Variants in EVA1B observed in about 807,000 individuals in gnomAD.
The protein encoded by EVA1B is eva-1 homolog B.
EVA1B carries 2 observed loss-of-function variants against 4.6 expected under a neutral mutation model. The observed-to-expected ratio is 0.43, with a 90% confidence interval of 0.18 to 1.37. The LOEUF (loss-of-function observed/expected upper bound fraction) is 1.37. Ranked by LOEUF, EVA1B falls within the 40% of genes most tolerant of loss-of-function variation. The pLI is 0.28. For missense variants in EVA1B, 263 were observed against 240.4 expected (o/e 1.09, Z -0.62); for synonymous variants, 124 against 115.8 (o/e 1.07, Z -0.46).
Position 36,323,067 on chromosome 1 carries a change from C to A in EVA1B, c.-30G>T. ...CTCTGGGGGGCAGCTCCCCTACCAG[C>A]CTGCGAGGTCAGCAAAGTCAGATCC... On this transcript the variant is annotated splice_region_variant and 5_prime_UTR_variant, in exon 2 of 3. Transcript: ENST00000490466. 1 of 1,593,246 alleles carries A rather than the reference C, an allele frequency of 6.3e-7. No individual in the cohort carries two copies. The highest frequency in any genetic ancestry group is 8.5e-7 in the Non-Finnish European group (1 of 1,173,526).
At chr1:36,322,940 A>G (rs377069767) in intron 2 of EVA1B, 31 bp downstream of exon 2, 1 of 1,605,896 alleles carries the variant, frequency 6.2e-7, no homozygotes, top group Non-Finnish European at 8.5e-7. Flanking sequence ...GGAAGGGTTC[A>G]GGCCCCCAGT....
rs1372583716 is a variant in EVA1B, at chr1:36,322,311, C to T, written c.482G>A (p.Arg161His). 5.2e-6 allele frequency: 8 copies of T among 1,542,518 alleles called. No individual in the cohort carries two copies. Among genetic ancestry groups the T allele is most frequent in the African/African-American group, 1.4e-5 (1 of 73,190 alleles). ...PSPTATGTLG[R>H]MHYY is the part of the protein sequence containing the mutation. ...CGGGGCCCATCAGTAATAGTGCATG[C>T]GGCCCAGGGTGCCCGTGGCCGTGGG... is the stretch of plus-strand genomic sequence containing the variant. Residue 161 changes from arginine (R) to histidine (H), a missense_variant, in exon 3 of 3, where the codon CGC becomes CAC. Transcript: ENST00000490466.
rs1205771187 is a variant in EVA1B, at chr1:36,323,082, A to T, written c.-30-15T>A. 1 of 1,584,154 alleles carries T rather than the reference A, an allele frequency of 6.3e-7. No individual in the cohort carries two copies. Among genetic ancestry groups the T allele is most frequent in the South Asian group, 1.1e-5 (1 of 88,196 alleles). ...CCCCTACCAGCCTGCGAGGTCAGCA[A>T]AGTCAGATCCTTCTCCCAGCCTGGA... On this transcript the variant is annotated splice_polypyrimidine_tract_variant and intron_variant, in intron 1 of 2. Coordinates refer to ENST00000490466, the MANE Select transcript of EVA1B (RefSeq NM_001304762.2).
chr1:36,323,025 G>GC lies in EVA1B; in HGVS notation c.12dup (p.Arg5AlafsTer239). 3 of 1,599,940 alleles carry GC rather than the reference G, an allele frequency of 1.9e-6. No homozygotes were observed. The highest frequency in any genetic ancestry group is 1.7e-6 in the Non-Finnish European group (2 of 1,176,132). The stretch of plus-strand genomic sequence containing the variant: ...TTGCTGAGCAACTCCATGTCCCTTC[G>GC]CGGGGCATCCATGCTGCTCTGGGGG... On this transcript the variant is annotated frameshift_variant, in exon 2 of 3. Coordinates refer to ENST00000490466, the MANE Select transcript of EVA1B (RefSeq NM_001304762.2). LOFTEE classifies it high-confidence loss of function.
rs1169384015 is a variant in EVA1B, at chr1:36,322,535, C to T, written c.258G>A (p.Val86=). 2 of 1,600,522 alleles carry T rather than the reference C, an allele frequency of 1.2e-6. No homozygotes were observed. Among genetic ancestry groups the T allele is most frequent in the Non-Finnish European group, 8.5e-7 (1 of 1,177,982 alleles). Residue 86 remains valine (V), a synonymous_variant, in exon 3 of 3, where the codon GTG becomes GTA. Coordinates refer to ENST00000490466, the MANE Select transcript of EVA1B (RefSeq NM_001304762.2). ...EDDDEDEEDT[V]TRLGPDDTLP... is the part of the protein sequence containing the mutation. ...GCGTGTCGTCGGGGCCCAGCCGAGT[C>T]ACCGTGTCCTCCTCGTCCTCGTCGT...
chr1:36,323,903 A>G (rs999369353), upstream of EVA1B: 19 of 152,282 alleles, frequency 1.2e-4, no homozygotes, highest in African/African-American at 4.6e-4. Flanking sequence ...TCCGCCTGAC[A>G]ACCCTGCGAC....
intron 2 of EVA1B, 78 bp downstream of exon 2, chr1:36,322,893 G>A (rs1646492096): frequency 1.9e-6 from 3 of 1,567,742 alleles, no homozygotes; most frequent in South Asian, 1.1e-5. Flanking sequence ...CGGAGGGGAC[G>A]GACAAGGCGC....
rs1646488481 is a variant in EVA1B, at chr1:36,322,730, G to A, written c.68-5C>T. ...GGCCGAAGCTCTCGGGGTTGGCTGC[G>A]GGGCACAGGGCGGGGGTCACGGAGA... On this transcript the variant is annotated splice_region_variant and splice_polypyrimidine_tract_variant and intron_variant, in intron 2 of 2. Transcript: ENST00000490466. The A allele has an allele frequency of 6.5e-7, 1 of 1,546,108 alleles. No homozygotes were observed. The highest frequency in any genetic ancestry group is 8.7e-7 in the Non-Finnish European group (1 of 1,146,742).
At position 36,322,089 on chromosome 1, in the gene EVA1B, G is replaced by A. The variant is rs1646472827; in HGVS notation, c.*206C>T. ...TTCACCTCTTCATCGACCCCAGAGA[G>A]GGAGTGGGGACCCTGCATGCTGCCC... is the stretch of plus-strand genomic sequence containing the variant. On this transcript the variant is annotated 3_prime_UTR_variant, in exon 3 of 3. Coordinates refer to ENST00000490466, the MANE Select transcript of EVA1B (RefSeq NM_001304762.2). 7.4e-7 allele frequency: 1 copy of A among 1,353,840 alleles called. No homozygotes were observed. The highest frequency in any genetic ancestry group is 1.9e-5 in the South Asian group (1 of 53,988). The allele number at this position is 1,353,840 out of a possible 1,614,324, so 83.9% of individuals were successfully genotyped here.
rs1646472450 is a variant in EVA1B, at chr1:36,322,068, C to T, written c.*227G>A. ...AGCTTTCTTTCATTTGGTCACTTCA[C>T]CTCTTCATCGACCCCAGAGAGGGAG... On this transcript the variant is annotated 3_prime_UTR_variant, in exon 3 of 3. Transcript: ENST00000490466. 1 of 1,346,342 alleles carries T rather than the reference C, an allele frequency of 7.4e-7. No homozygotes were observed. Among genetic ancestry groups the T allele is most frequent in the East Asian group, 3.0e-5 (1 of 33,698 alleles). 83.4% of individuals were successfully genotyped at this position (1,346,342 alleles called of 1,614,324 possible).
rs1161541332 is a variant in EVA1B at position 36,322,036 on chromosome 1, A to C, written c.*259T>G. ...AACAGAGGGAGAGACTGAGTCACTG[A>C]GAATGCAGCTTTCTTTCATTTGGTC... On this transcript the variant is annotated 3_prime_UTR_variant, in exon 3 of 3. Transcript: ENST00000490466. 4 of 1,296,922 alleles carry C rather than the reference A, an allele frequency of 3.1e-6. No individual in the cohort carries two copies. Among genetic ancestry groups the C allele is most frequent in the Non-Finnish European group, 3.9e-6 (4 of 1,026,068 alleles). 80.3% of individuals were successfully genotyped at this position (1,296,922 alleles called of 1,614,324 possible).
Position 36,322,626 on chromosome 1 carries a change from C to T in EVA1B, c.167G>A (p.Arg56His), listed in dbSNP as rs535852437. Residue 56 changes from arginine (R) to histidine (H), a missense_variant, in exon 3 of 3, where the codon CGC (arginine) becomes CAC (histidine). Transcript: ENST00000490466. ...LLVISISWAP[R>H]PRPRGPAQRR... ...CTGAGCCGGGCCCCGGGGCCGCGGG[C>T]GGGGCGCCCACGAGATGCTGATGAC... The T allele has an allele frequency of 1.3e-6, 2 of 1,545,824 alleles. No homozygotes were observed. Among genetic ancestry groups the T allele is most frequent in the African/African-American group, 1.4e-5 (1 of 73,152 alleles).
rs1233457720 is a variant in EVA1B, at chr1:36,322,240, G to A, written c.*55C>T. On this transcript the variant is annotated 3_prime_UTR_variant, in exon 3 of 3. Coordinates refer to ENST00000490466, the MANE Select transcript of EVA1B (RefSeq NM_001304762.2). The stretch of plus-strand genomic sequence containing the variant: ...CAGTCCGAAGGTGTGGGGTAGCTCT[G>A]AGCTCATGTGCAGGTCCGGTACCCC... The A allele has an allele frequency of 2.8e-6, 4 of 1,437,168 alleles. No individual in the cohort carries two copies. Among genetic ancestry groups the A allele is most frequent in the Non-Finnish European group, 3.6e-6 (4 of 1,099,276 alleles). The allele number at this position is 1,437,168 out of a possible 1,614,324, so 89.0% of individuals were successfully genotyped here.
chr1:36,323,370 C>G lies in EVA1B; in HGVS notation c.-31+89G>C, dbSNP rs1646501668. ...AGGATAGGGACGCTGAGCCTCCACG[C>G]CCCAGGCGGGCTCCGGGAAGGGAAG... On this transcript the variant is annotated intron_variant, in intron 1 of 2. Coordinates refer to ENST00000490466, the MANE Select transcript of EVA1B (RefSeq NM_001304762.2). 4.9e-5 allele frequency: 12 copies of G among 244,668 alleles called. No individual in the cohort carries two copies. In the South Asian group the frequency reaches 1.2e-3, roughly 24 times the overall value. The allele number at this position is 244,668 out of a possible 1,614,324, so 15.2% of individuals were successfully genotyped here.
At chr1:36,323,760 TC>T (rs1646510633), upstream of EVA1B, 1 of 149,144 alleles carries the variant, frequency 6.7e-6, no homozygotes, top group Admixed American at 6.6e-5. Context: ...GGGCCGTCCG[TC>T]CCCCACAGGA....
chr1:36,322,044 G>A lies in EVA1B; in HGVS notation c.*251C>T. 9 of 1,309,858 alleles carry A rather than the reference G, an allele frequency of 6.9e-6. No individual in the cohort carries two copies. The highest frequency in any genetic ancestry group is 8.7e-6 in the Non-Finnish European group (9 of 1,033,798). 81.1% of individuals were successfully genotyped at this position (1,309,858 alleles called of 1,614,324 possible). On this transcript the variant is annotated 3_prime_UTR_variant, in exon 3 of 3. Transcript: ENST00000490466. ...GAGAGACTGAGTCACTGAGAATGCA[G>A]CTTTCTTTCATTTGGTCACTTCACC...
At position 36,322,596 on chromosome 1, in the gene EVA1B, C is replaced by T. The variant is rs1475496705; in HGVS notation, c.197G>A (p.Arg66Gln). 2 of 1,561,146 alleles carry T rather than the reference C, an allele frequency of 1.3e-6. No individual in the cohort carries two copies. Among genetic ancestry groups the T allele is most frequent in the Non-Finnish European group, 1.7e-6 (2 of 1,157,756 alleles). Residue 66 changes from arginine to glutamine, a missense_variant, in exon 3 of 3, where the codon CGG becomes CAG. Physicochemically the swap from Arg to Gln is conservative, Grantham distance 43 (BLOSUM62 1). Coordinates refer to ENST00000490466, the MANE Select transcript of EVA1B (RefSeq NM_001304762.2). ...RPRPRGPAQR[R>Q]DPRSSTLEPE... Reference sequence around the variant, plus strand: ...CTCCAGGGTGCTGCTGCGGGGGTCCCGGCGCTGAGCCGGGCCCCGGGGCCG... The same window carrying T: ...CTCCAGGGTGCTGCTGCGGGGGTCCTGGCGCTGAGCCGGGCCCCGGGGCCG...
rs562247536 is a variant in EVA1B, at chr1:36,323,007, G to C, written c.31C>G (p.Leu11Val). ...GCGTAGGCAGCCAGGCTGTTGCTGA[G>C]CAACTCCATGTCCCTTCGCGGGGCA... MDAPRRDMELLSNSLAAYAHI... is the reference protein window; with the variant it reads MDAPRRDMELVSNSLAAYAHI... Residue 11 changes from leucine to valine, a missense_variant, in exon 2 of 3, where the codon CTC becomes GTC. By Grantham distance (32) the Leu-to-Val change is conservative. Coordinates refer to ENST00000490466, the MANE Select transcript of EVA1B (RefSeq NM_001304762.2). The C allele has an allele frequency of 6.2e-7, 1 of 1,602,368 alleles. No individual in the cohort carries two copies. The highest frequency in any genetic ancestry group is 1.1e-5 in the South Asian group (1 of 89,920).
At position 36,322,711 on chromosome 1, in the gene EVA1B, A is replaced by C. The variant is rs1350543993; in HGVS notation, c.82T>G (p.Phe28Val). 6.5e-7 allele frequency: 1 copy of C among 1,546,930 alleles called. No individual in the cohort carries two copies. Among genetic ancestry groups the C allele is most frequent in the Admixed American group, 2.0e-5 (1 of 50,972 alleles). Reference sequence around the variant, plus strand: ...ACGCCCAGCACGAAGTAGAGGCCGAAGCTCTCGGGGTTGGCTGCGGGGCAC... The same window carrying C: ...ACGCCCAGCACGAAGTAGAGGCCGACGCTCTCGGGGTTGGCTGCGGGGCAC... ...YAHIRANPES[F>V]GLYFVLGVCF... The change falls in exon 3 of 3, where the codon TTC becomes GTC. Residue 28 changes from phenylalanine to valine, a missense_variant. By Grantham distance (50) the Phe-to-Val change is conservative. Transcript: ENST00000490466.
Sources: gnomAD v4.1 joint callset for allele counts on GRCh38, gnomAD v4.1.1 for gene constraint, MANE v1.5 for transcripts, NCBI Gene and HGNC (gene_info 2026-07-23, HGNC 2026-07-21) for gene names.